PTPRT: variants seen among roughly 807,000 people sequenced by gnomAD.
The protein encoded by PTPRT is receptor-type tyrosine-protein phosphatase T.
In PTPRT, 56 loss-of-function variants were observed where a neutral mutation model predicts 176.8. That is an observed-to-expected ratio of 0.32 (90% CI 0.26 to 0.40). PTPRT has a LOEUF of 0.40. PTPRT is among the 10% of genes least tolerant of loss of function. PTPRT has a pLI of 1.00. For synonymous variants in PTPRT, 783 were observed against 739.0 expected (o/e 1.06, Z -0.96); for missense variants, 1,540 against 1,908.2 (o/e 0.81, Z 3.60).
At chr20:42,859,439 C>T (rs1010862451) in intron 2 of PTPRT, among the ~76,000 whole-genome samples, 11 of 152,260 alleles carry the variant, frequency 7.2e-5, no homozygotes, top group African/African-American at 2.6e-4. Context: ...ACCTGGTTGC[C>T]AGAGGTCTCA....
Position 42,653,984 on chromosome 20 carries a change from T to C in PTPRT, c.1153+23882A>G, listed in dbSNP as rs551988911. On this transcript the variant is annotated intron_variant, in intron 7 of 30. Coordinates refer to ENST00000373187, the MANE Select transcript of PTPRT (RefSeq NM_007050.6). ...TTTTCCAGGCCGTAAAACATTTCCA[T>C]AAGTCCTGAAATCTCCTGACCACAA... Among the ~76,000 whole-genome samples, 15 of 152,310 alleles carry C rather than the reference T, an allele frequency of 9.8e-5. No individual in the cohort carries two copies. In the South Asian group the frequency reaches 3.1e-3, roughly 32 times the overall value.
intron 7 of PTPRT, among the ~76,000 whole-genome samples, chr20:42,480,739 C>T (rs1203152854): frequency 6.6e-6 from 1 of 152,102 alleles, no homozygotes. Context: ...CATGCACAAC[C>T]CTGACATTCG....
chr20:42,710,507 T>A (rs557555985), intron 6 of PTPRT, among the ~76,000 whole-genome samples: 2 of 152,244 alleles, frequency 1.3e-5, no homozygotes, highest in South Asian at 2.1e-4. Context: ...CCTTGGAAGC[T>A]TCCACATGGT....
At chr20:42,476,219 T>G (rs1296476050) in intron 7 of PTPRT, among the ~76,000 whole-genome samples, 3 of 152,100 alleles carry the variant, frequency 2.0e-5, no homozygotes, top group Non-Finnish European at 4.4e-5. Context: ...TTGTGTGGGG[T>G]AGAAGCTGCA....
chr20:42,168,916 G>A (rs1989954716), intron 16 of PTPRT, among the ~76,000 whole-genome samples: 1 of 152,132 alleles, frequency 6.6e-6, no homozygotes, highest in Non-Finnish European at 1.5e-5. Flanking sequence ...TCTTTCTTAT[G>A]TCTGACCAAA....
chr20:42,431,714 T>C (rs1208504535), intron 9 of PTPRT, among the ~76,000 whole-genome samples: 1 of 152,200 alleles, frequency 6.6e-6, no homozygotes, highest in African/African-American at 2.4e-5. Flanking sequence ...AGAGAGCCTA[T>C]TGTACATACA....
chr20:42,689,762 C>G (rs1224901530), intron 6 of PTPRT, among the ~76,000 whole-genome samples: 1 of 151,992 alleles, frequency 6.6e-6, no homozygotes, highest in African/African-American at 2.4e-5. Context: ...TTGGAAGATG[C>G]TATGTTCTGG....
intron 17 of PTPRT, among the ~76,000 whole-genome samples, chr20:42,149,917 C>G (rs938890967): frequency 2.0e-5 from 3 of 152,288 alleles, no homozygotes; most frequent in Non-Finnish European, 4.4e-5. Flanking sequence ...CAGAGCTGAG[C>G]CCATGGGAGG....
chr20:42,356,218 G>A (rs1014503591), intron 9 of PTPRT, among the ~76,000 whole-genome samples: 6 of 152,078 alleles, frequency 3.9e-5, no homozygotes, highest in Non-Finnish European at 5.9e-5. Context: ...CGGGGAAAAC[G>A]GAAGATTTGT....
chr20:42,874,322 G>T (rs1223656128), intron 2 of PTPRT, among the ~76,000 whole-genome samples: 1 of 152,038 alleles, frequency 6.6e-6, no homozygotes, highest in Non-Finnish European at 1.5e-5. Flanking sequence ...CAGGTTCACT[G>T]TATCTGCATT....
intron 2 of PTPRT, among the ~76,000 whole-genome samples, chr20:42,874,247 G>A (rs2078893637): frequency 6.6e-6 from 1 of 152,108 alleles, no homozygotes; most frequent in Non-Finnish European, 1.5e-5. Flanking sequence ...CCTGTTAAAT[G>A]TGTCGCTGAC....
chr20:43,040,360 A>G (rs957641124), intron 1 of PTPRT, among the ~76,000 whole-genome samples: 6 of 152,260 alleles, frequency 3.9e-5, no homozygotes, highest in African/African-American at 1.4e-4. Context: ...CCTAAAAGAT[A>G]TATAACTCAC....
chr20:42,893,872 G>C (rs1252045371), intron 1 of PTPRT, among the ~76,000 whole-genome samples: 1 of 151,270 alleles, frequency 6.6e-6, no homozygotes, highest in African/African-American at 2.4e-5. Context: ...GGGGTGGGGG[G>C]AGTGGGGAGG....
chr20:42,585,705 C>T (rs1240945706), intron 7 of PTPRT, among the ~76,000 whole-genome samples: 1 of 152,030 alleles, frequency 6.6e-6, no homozygotes, highest in East Asian at 1.9e-4. Context: ...TCAATCATCT[C>T]CTGTACAAGA....
intron 7 of PTPRT, among the ~76,000 whole-genome samples, chr20:42,507,301 G>T (rs2071864294): frequency 6.6e-6 from 1 of 152,070 alleles, no homozygotes; most frequent in African/African-American, 2.4e-5. Flanking sequence ...GACCCAAGCT[G>T]ATGAAGCAGA....
intron 7 of PTPRT, among the ~76,000 whole-genome samples, chr20:42,589,462 T>G (rs1008634026): frequency 6.6e-6 from 1 of 152,218 alleles, no homozygotes; most frequent in East Asian, 1.9e-4. Flanking sequence ...AAATCCCACA[T>G]TTCAGCAGAA....
chr20:42,702,011 C>G (rs2075980839), intron 6 of PTPRT, among the ~76,000 whole-genome samples: 1 of 152,110 alleles, frequency 6.6e-6, no homozygotes, highest in South Asian at 2.1e-4. Flanking sequence ...GAGGTTAACC[C>G]TTACCCTAAC....
chr20:42,758,812 G>T (rs80228843), intron 5 of PTPRT, among the ~76,000 whole-genome samples: 3,020 of 152,264 alleles, frequency 0.02, 94 homozygotes, highest in African/African-American at 0.07. Flanking sequence ...CAATTTCACT[G>T]TTCTGAGCTG....
chr20:42,236,382 C>T, intron 14 of PTPRT, 124 bp from the exon 15 acceptor site: 1 of 793,558 alleles, frequency 1.3e-6, no homozygotes, highest in South Asian at 1.7e-5. Flanking sequence ...ATTATTTCAG[C>T]ATCCCTAAGC....
Sources: gnomAD v4.1 joint callset for allele counts (sites outside exome capture counted in the v4.1 genomes callset) on GRCh38, gnomAD v4.1.1 for gene constraint, MANE v1.5 for transcripts, NCBI Gene and HGNC (gene_info 2026-07-23, HGNC 2026-07-21) for gene names.